BCAT1: variants seen among roughly 807,000 people sequenced by gnomAD.
BCAT1 encodes the protein branched-chain-amino-acid aminotransferase, cytosolic.
Under a neutral mutation model 52.4 loss-of-function variants are expected in BCAT1, and 48 were observed. That is an observed-to-expected ratio of 0.92 (90% CI 0.73 to 1.16). The LOEUF (loss-of-function observed/expected upper bound fraction) is 1.16, where lower values mean the gene tolerates loss of function less well. BCAT1 is among the 50% of genes most tolerant of loss of function. The pLI is 0.00. For missense variants in BCAT1, 451 were observed against 457.1 expected, an observed-to-expected ratio of 0.99 and a Z score of 0.12; for synonymous variants, 167 against 161.3, an observed-to-expected ratio of 1.04 and a Z score of -0.27.
intron 1 of BCAT1, 94 bp from the exon 2 acceptor site, chr12:24,901,979 C>A (rs1271682741): frequency 1.2e-6 from 2 of 1,607,734 alleles, no homozygotes; most frequent in African/African-American, 2.7e-5. Flanking sequence ...ACCGTGCGCT[C>A]CTCTCCAGGA....
At chr12:24,854,568 A>T (rs1014574285) in intron 5 of BCAT1, among the ~76,000 whole-genome samples, 2 of 152,296 alleles carry the variant, frequency 1.3e-5, no homozygotes, top group Admixed American at 6.5e-5. Context: ...CAGGAAAGCG[A>T]GGGCACTGAA....
intron 10 of BCAT1, among the ~76,000 whole-genome samples, chr12:24,827,521 G>A (rs1940454394): frequency 6.6e-6 from 1 of 152,246 alleles, no homozygotes; most frequent in South Asian, 2.1e-4. Context: ...CCAGGGTGCG[G>A]TGGCTCATGC....
At position 24,842,210 on chromosome 12, in the gene BCAT1, G is replaced by A. The variant is rs746028548; in HGVS notation, c.689C>T (p.Ser230Phe). 6.2e-7 allele frequency: 1 copy of A among 1,613,872 alleles called. No individual in the cohort carries two copies. Among genetic ancestry groups the A allele is most frequent in the Non-Finnish European group, 8.5e-7 (1 of 1,179,860 alleles). Residue 230 changes from serine (S) to phenylalanine (F), a missense_variant, in exon 7 of 11, where the codon TCT (serine) becomes TTT (phenylalanine). Ser to Phe is a radical substitution (Grantham distance 155, BLOSUM62 -2). Coordinates refer to ENST00000261192, the MANE Select transcript of BCAT1 (RefSeq NM_005504.7). ...TACTGCTTCACATTGGGCAAAAAGA[G>A]ATGAGCCGTAATTCCTTTAAGAAAG... ...DCKMGGNYGS[S>F]LFAQCEAVDN...
At chr12:24,885,284 C>T (rs776716180) in intron 3 of BCAT1, among the ~76,000 whole-genome samples, 53 of 151,964 alleles carry the variant, frequency 3.5e-4, no homozygotes, top group Admixed American at 2.6e-4. Flanking sequence ...AAAATAAAAA[C>T]ACTATTTACA....
chr12:24,912,284 GC>G (rs1943339283), intron 1 of BCAT1, among the ~76,000 whole-genome samples: 1 of 152,144 alleles, frequency 6.6e-6, no homozygotes, highest in South Asian at 2.1e-4. Context: ...GGAGGCCGAG[GC>G]GGGCGGATCA....
intron 1 of BCAT1, among the ~76,000 whole-genome samples, chr12:24,941,550 C>T (rs2139761692): frequency 1.3e-5 from 2 of 152,272 alleles, no homozygotes; most frequent in South Asian, 4.2e-4. Context: ...GAAATAGGCT[C>T]TCGATTTAAC....
At chr12:24,824,087 C>T (rs1314213851) in intron 10 of BCAT1, among the ~76,000 whole-genome samples, 1 of 152,090 alleles carries the variant, frequency 6.6e-6, no homozygotes, top group Non-Finnish European at 1.5e-5. Context: ...AGTTTCCTTC[C>T]TCAGTGAAAG....
chr12:24,883,401 T>C (rs1488621460), intron 3 of BCAT1, among the ~76,000 whole-genome samples: 1 of 152,104 alleles, frequency 6.6e-6, no homozygotes, highest in Non-Finnish European at 1.5e-5. Context: ...AGGGTAGCGG[T>C]GTAAATTAGT....
At chr12:24,915,054 G>A (rs1299742799) in intron 1 of BCAT1, among the ~76,000 whole-genome samples, 1 of 151,882 alleles carries the variant, frequency 6.6e-6, no homozygotes, top group Non-Finnish European at 1.5e-5. Context: ...TGCAAAGTCA[G>A]TTTAGTCTCT....
chr12:24,881,323 G>C lies in BCAT1; in HGVS notation c.368C>G (p.Ser123Cys). 1.9e-6 allele frequency: 3 copies of C among 1,612,162 alleles called. No individual in the cohort carries two copies. The highest frequency in any genetic ancestry group is 1.1e-5 in the South Asian group (1 of 91,024). The part of the protein sequence containing the change: ...PNLNMDRMYR[S>C]AVRATLPVFD... ...TACCGGCAGAGTTGCCCTCACAGCA[G>C]AGCGATACATTCTATCCATGTTGAG... The change falls in exon 4 of 11, where the codon TCT becomes TGT. Residue 123 changes from serine (S) to cysteine (C), a missense_variant. Transcript: ENST00000261192.
intron 3 of BCAT1, among the ~76,000 whole-genome samples, chr12:24,888,096 G>A (rs567931823): frequency 2.0e-5 from 3 of 152,214 alleles, no homozygotes; most frequent in South Asian, 4.1e-4. Context: ...AAGAGAAACA[G>A]TAATATCTAT....
At chr12:24,879,595 A>T (rs538407853) in intron 4 of BCAT1, among the ~76,000 whole-genome samples, 1 of 152,202 alleles carries the variant, frequency 6.6e-6, no homozygotes, top group Admixed American at 6.5e-5. Context: ...ATGTTATAGA[A>T]ATTGGGACTG....
At chr12:24,916,093 A>T (rs1943402681) in intron 1 of BCAT1, among the ~76,000 whole-genome samples, 1 of 152,230 alleles carries the variant, frequency 6.6e-6, no homozygotes, top group African/African-American at 2.4e-5. Context: ...CAGGAAGCAG[A>T]GGTTTCAGTG....
chr12:24,823,643 G>C (rs1018012421), intron 10 of BCAT1, among the ~76,000 whole-genome samples: 1 of 152,100 alleles, frequency 6.6e-6, no homozygotes, highest in African/African-American at 2.4e-5. Context: ...TAGTGAGTGA[G>C]TTCTAAGGAG....
chr12:24,861,280 G>T (rs1412879268), intron 5 of BCAT1, among the ~76,000 whole-genome samples: 2 of 152,174 alleles, frequency 1.3e-5, no homozygotes, highest in Non-Finnish European at 2.9e-5. Context: ...ACATGTGTTG[G>T]AATTGGCTAG....
chr12:24,897,907 T>C (rs1045369203), intron 2 of BCAT1, among the ~76,000 whole-genome samples: 3 of 152,174 alleles, frequency 2.0e-5, no homozygotes, highest in African/African-American at 7.2e-5. Flanking sequence ...AATCTCATCA[T>C]GAACTTTTCT....
chr12:24,926,499 C>T (rs539337092), intron 1 of BCAT1, among the ~76,000 whole-genome samples: 5,100 of 152,090 alleles, frequency 0.034, 110 homozygotes, highest in Non-Finnish European at 0.047. Context: ...ATGACAATGG[C>T]GGTTTTGTGG....
intron 8 of BCAT1, chr12:24,834,861 C>T: frequency 1.0e-6 from 1 of 964,422 alleles, no homozygotes; most frequent in Non-Finnish European, 1.3e-6. Flanking sequence ...ATTGTTTTTG[C>T]TCTGCTCACC....
At chr12:24,909,587 T>C (rs1456380997) in intron 1 of BCAT1, among the ~76,000 whole-genome samples, 1 of 152,210 alleles carries the variant, frequency 6.6e-6, no homozygotes, top group Non-Finnish European at 1.5e-5. Flanking sequence ...GGGAGAATCC[T>C]ACCTTTCTTC....
Sources: allele counts gnomAD v4.1 joint callset (sites outside exome capture counted in the v4.1 genomes callset), GRCh38; gene constraint gnomAD v4.1.1; transcripts MANE v1.5; gene names NCBI Gene and HGNC (gene_info 2026-07-23, HGNC 2026-07-21).